Variants in NSMAF observed in about 807,000 individuals in gnomAD.
The protein encoded by NSMAF is protein FAN.
In NSMAF, 90 loss-of-function variants were observed where a neutral mutation model predicts 134.9. The ratio of observed to expected loss-of-function variants is 0.67; its 90% CI spans 0.56 to 0.79. NSMAF has a LOEUF of 0.79. Among genes scored for constraint, NSMAF ranks in the 30% least tolerant of loss-of-function variants. NSMAF has a pLI of 0.00. For missense variants in NSMAF, 1,010 were observed against 1,119.0 expected (o/e 0.90, Z 1.39); for synonymous variants, 358 against 389.6 (o/e 0.92, Z 0.96).
Position 58,595,607 on chromosome 8 carries a change from A to G in NSMAF, c.1845T>C (p.Asn615=), listed in dbSNP as rs149564750. The G allele has an allele frequency of 7.2e-3, 11,622 of 1,614,030 alleles. 56 individuals carry two copies. Among genetic ancestry groups the G allele is most frequent in the Admixed American group, 9.4e-3 (567 of 60,022 alleles). Residue 615 remains asparagine, a synonymous_variant, in exon 22 of 31, where the codon AAT becomes AAC. Coordinates refer to ENST00000038176, the MANE Select transcript of NSMAF (RefSeq NM_003580.4). ...LTEESKTLAW[N]NITKLQLHEH... ...CGTGTAACTGCAGTTTGGTGATGTTATTCCAGGCCAGTGTTTTGCTTTCTT... is the reference window on the plus strand; with the variant it reads ...CGTGTAACTGCAGTTTGGTGATGTTGTTCCAGGCCAGTGTTTTGCTTTCTT...
At chr8:58,587,467 G>A in intron 27 of NSMAF, 151 bp downstream of exon 27, 1 of 610,830 alleles carries the variant, frequency 1.6e-6, no homozygotes, top group South Asian at 2.1e-5. Context: ...AACCTAAAGA[G>A]TCAACACAAA....
chr8:58,658,100 A>T (rs1807762220), intron 1 of NSMAF, among the ~76,000 whole-genome samples: 1 of 152,230 alleles, frequency 6.6e-6, no homozygotes, highest in Non-Finnish European at 1.5e-5. Flanking sequence ...ATCATACAAC[A>T]TGATGCCAAT....
At chr8:58,647,176 C>T (rs1807476059) in intron 1 of NSMAF, among the ~76,000 whole-genome samples, 1 of 152,200 alleles carries the variant, frequency 6.6e-6, no homozygotes, top group South Asian at 2.1e-4. Flanking sequence ...TGCCATGACA[C>T]TTTCGTGATG....
chr8:58,616,704 T>C (rs548505817), intron 9 of NSMAF, among the ~76,000 whole-genome samples: 1 of 152,116 alleles, frequency 6.6e-6, no homozygotes, highest in African/African-American at 2.4e-5. Flanking sequence ...GGCAATAATG[T>C]TCATTTCCAC....
intron 6 of NSMAF, among the ~76,000 whole-genome samples, chr8:58,629,775 G>A (rs1053969980): frequency 2.0e-5 from 3 of 152,226 alleles, no homozygotes; most frequent in African/African-American, 7.2e-5. Flanking sequence ...ACTTATGCAT[G>A]TAGATTCCTA....
At chr8:58,596,841 C>A (rs747741771) in intron 21 of NSMAF, among the ~76,000 whole-genome samples, 1 of 150,768 alleles carries the variant, frequency 6.6e-6, no homozygotes, top group Admixed American at 6.6e-5. Context: ...GGCAGGAGAA[C>A]GGCGGCGTGA....
intron 2 of NSMAF, among the ~76,000 whole-genome samples, chr8:58,641,079 G>A (rs1236722485): frequency 2.0e-5 from 3 of 151,526 alleles, no homozygotes; most frequent in Admixed American, 6.6e-5. Context: ...GCACCACCAC[G>A]CCTGGCTAAT....
intron 18 of NSMAF, 144 bp from the exon 19 acceptor site, chr8:58,599,507 A>G: frequency 9.5e-7 from 1 of 1,057,718 alleles, no homozygotes; most frequent in Non-Finnish European, 1.3e-6. Context: ...CTATCATATG[A>G]AATGTAAGTT....
chr8:58,608,371 C>A (rs895066713), intron 10 of NSMAF, among the ~76,000 whole-genome samples: 1 of 152,118 alleles, frequency 6.6e-6, no homozygotes, highest in Non-Finnish European at 1.5e-5. Flanking sequence ...AATTGTCTTG[C>A]TTTTCTATAA....
At chr8:58,626,063 CT>C (rs1233977116) in intron 6 of NSMAF, among the ~76,000 whole-genome samples, 1 of 149,276 alleles carries the variant, frequency 6.7e-6, no homozygotes, top group East Asian at 2.0e-4. Context: ...ATCCTTCCCC[CT>C]AAGCCCCCAA....
rs1554576321 is a variant in NSMAF, at chr8:58,625,394, A to ATGTATGTATGTATGTATG, written c.385-1615_385-1614insCATACATACATACATACA. Among the ~76,000 whole-genome samples, 12 of 151,650 alleles carry ATGTATGTATGTATGTATG rather than the reference A, an allele frequency of 7.9e-5. No homozygotes were observed. The East Asian group carries it at 2.1e-3, about 27-fold the overall frequency. On this transcript the variant is annotated intron_variant, in intron 6 of 30. Coordinates refer to ENST00000038176, the MANE Select transcript of NSMAF (RefSeq NM_003580.4). The stretch of plus-strand genomic sequence containing the variant: ...TATATGTCTGTATATATGTATATGC[A>ATGTATGTATGTATGTATG]TATGTATGTATGTATGTATGTATAT...
At chr8:58,603,183 G>A (rs768018594) in intron 13 of NSMAF, 27 bp downstream of exon 13, 3 of 1,606,562 alleles carry the variant, frequency 1.9e-6, no homozygotes, top group Non-Finnish European at 2.6e-6. Flanking sequence ...CACTCAACTT[G>A]GTCAGAATTC....
At chr8:58,659,344 C>T (rs1279920025) in intron 1 of NSMAF, 1 of 1,526,944 alleles carries the variant, frequency 6.5e-7, no homozygotes, top group Non-Finnish European at 8.8e-7. Flanking sequence ...CCTGGCCCGT[C>T]ATCCAGTTCC....
intron 23 of NSMAF, among the ~76,000 whole-genome samples, chr8:58,593,417 G>A (rs181399024): frequency 3.4e-4 from 51 of 152,222 alleles, no homozygotes; most frequent in African/African-American, 1.0e-3. Flanking sequence ...GTGTTTAGTT[G>A]GATAGCACTT....
intron 11 of NSMAF, 45 bp from the exon 12 acceptor site, chr8:58,606,080 CA>C (rs749250749): frequency 1.7e-5 from 16 of 947,240 alleles, no homozygotes; most frequent in Non-Finnish European, 2.2e-5. Flanking sequence ...GCATTGTATT[CA>C]TCTTGCAATC....
Position 58,589,471 on chromosome 8 carries a change from G to A in NSMAF, c.2192C>T (p.Ser731Leu), listed in dbSNP as rs1319723088. The change falls in exon 26 of 31, where the codon TCG becomes TTG. Residue 731 changes from serine (S) to leucine (L), a missense_variant. By Grantham distance (145) the Ser-to-Leu change is moderately radical. Transcript: ENST00000038176. ...CWHDNRLYSASWDSTVKVWSG... is the reference protein window; with the variant it reads ...CWHDNRLYSALWDSTVKVWSG... ...ATGAACCTTCACTGTAGAGTCCCAC[G>A]ATGCAGAATATAGCCTGTTGTCATG... is the stretch of plus-strand genomic sequence containing the variant. 5.9e-6 allele frequency: 9 copies of A among 1,521,460 alleles called. No individual in the cohort carries two copies. The highest frequency in any genetic ancestry group is 4.1e-5 in the South Asian group (3 of 73,898). The allele number at this position is 1,521,460 out of a possible 1,614,324, so 94.2% of individuals were successfully genotyped here.
intron 12 of NSMAF, 80 bp from the exon 13 acceptor site, chr8:58,603,466 C>T (rs1806334263): frequency 2.3e-6 from 3 of 1,325,718 alleles, no homozygotes; most frequent in East Asian, 2.3e-5. Context: ...AACGTGTAGA[C>T]CATCCCTGTG....
At chr8:58,614,855 T>C (rs1047475837) in intron 9 of NSMAF, among the ~76,000 whole-genome samples, 2 of 152,154 alleles carry the variant, frequency 1.3e-5, no homozygotes, top group Non-Finnish European at 2.9e-5. Context: ...AGCTAGTGTA[T>C]AATTATATAA....
intron 27 of NSMAF, among the ~76,000 whole-genome samples, 184 bp from the exon 28 acceptor site, chr8:58,586,792 A>T (rs1420668732): frequency 3.9e-5 from 6 of 152,082 alleles, no homozygotes; most frequent in Non-Finnish European, 7.3e-5. Flanking sequence ...TTAAAAATGA[A>T]ATTAAATTCT....
Sources: allele counts gnomAD v4.1 joint callset (sites outside exome capture counted in the v4.1 genomes callset), GRCh38; gene constraint gnomAD v4.1.1; transcripts MANE v1.5; gene names NCBI Gene and HGNC (gene_info 2026-07-23, HGNC 2026-07-21).